Variants in PNO1 observed in about 807,000 individuals in gnomAD.
PNO1 encodes the protein RNA-binding protein PNO1.
In PNO1, 16 loss-of-function variants were observed where a neutral mutation model predicts 28.4. The observed-to-expected ratio is 0.56, with a 90% CI of 0.38 to 0.85. The LOEUF (loss-of-function observed/expected upper bound fraction) is 0.85, where lower values mean the gene tolerates loss of function less well. Ranked by LOEUF, PNO1 falls within the 40% of genes least tolerant of loss-of-function variation. The pLI is 0.00. For synonymous variants in PNO1, 115 were observed against 110.8 expected (o/e 1.04, Z -0.24); for missense variants, 304 against 312.2 (o/e 0.97, Z 0.20).
intron 5 of PNO1, chr2:68,173,083 CTTTTTTTTTTTTT>C (rs200879340): frequency 8.0e-5 from 9 of 111,952 alleles, no homozygotes; most frequent in Middle Eastern, 3.9e-3. Flanking sequence ...TCTACAATGT[CTTTTTTTTTTTTT>C]TTTTTTTTTT....
intron 5 of PNO1, among the ~76,000 whole-genome samples, chr2:68,165,224 C>T (rs954625104): frequency 1.3e-5 from 2 of 151,314 alleles, no homozygotes; most frequent in African/African-American, 4.9e-5. Context: ...ATTAGCCGGG[C>T]GTAGTGGCGG....
intron 4 of PNO1, 101 bp downstream of exon 4, chr2:68,162,426 T>TA (rs141022040): frequency 1.4e-5 from 8 of 575,644 alleles, no homozygotes; most frequent in Non-Finnish European, 2.2e-5. Flanking sequence ...TTTAGCAACT[T>TA]ATATATATAT....
At chr2:68,166,433 AT>A (rs1480058530) in intron 5 of PNO1, among the ~76,000 whole-genome samples, 3 of 152,174 alleles carry the variant, frequency 2.0e-5, no homozygotes, top group Non-Finnish European at 4.4e-5. Flanking sequence ...GAGAAAATCT[AT>A]CTACTCTTCA....
rs768082033 is a variant in PNO1 at position 68,173,347 on chromosome 2, G to A, written c.621G>A (p.Val207=). 6.3e-6 allele frequency: 10 copies of A among 1,589,706 alleles called. No individual in the cohort carries two copies. Among genetic ancestry groups the A allele is most frequent in the Non-Finnish European group, 7.8e-6 (9 of 1,158,508 alleles). The change falls in exon 6 of 7, where the codon GTG becomes GTA. Residue 207 remains valine, a splice_region_variant and synonymous_variant. Coordinates refer to ENST00000263657, the MANE Select transcript of PNO1 (RefSeq NM_020143.4). ...ATTTGTCTCATTTTATTTCTTTCAGGAAAGTTCACATCCTTGGCTCCTTCC... is the reference window on the plus strand; with the variant it reads ...ATTTGTCTCATTTTATTTCTTTCAGAAAAGTTCACATCCTTGGCTCCTTCC... ...VTRTRIVLAD[V]KVHILGSFQN...
At chr2:68,166,537 AGAG>A (rs754256861) in intron 5 of PNO1, among the ~76,000 whole-genome samples, 4 of 152,152 alleles carry the variant, frequency 2.6e-5, no homozygotes, top group Non-Finnish European at 4.4e-5. Context: ...CATGGGTGGC[AGAG>A]GAGGAAGATG....
At chr2:68,164,272 G>A (rs1039185391) in intron 5 of PNO1, among the ~76,000 whole-genome samples, 1 of 152,048 alleles carries the variant, frequency 6.6e-6, no homozygotes, top group African/African-American at 2.4e-5. Context: ...GGTGGATGGC[G>A]TGATCTCAGG....
At chr2:68,170,771 C>T (rs1457696830) in intron 5 of PNO1, among the ~76,000 whole-genome samples, 1 of 129,572 alleles carries the variant, frequency 7.7e-6, no homozygotes, top group East Asian at 2.4e-4. Flanking sequence ...AAAAAAAAAG[C>T]CAAAAATTTC....
intron 2 of PNO1, among the ~76,000 whole-genome samples, chr2:68,159,224 G>T (rs1558617383): frequency 6.6e-6 from 1 of 151,556 alleles, no homozygotes; most frequent in Non-Finnish European, 1.5e-5. Context: ...ATTAAAAAAT[G>T]TATTATTTTG....
Position 68,173,493 on chromosome 2 carries a change from G to A in PNO1, c.691+76G>A, listed in dbSNP as rs1674185889. ...AATTGAGGAAGTCAAAACCACATTT[G>A]CAAAGCAATTTAGGGTAATATTAAA... On this transcript the variant is annotated intron_variant, in intron 6 of 6. Coordinates refer to ENST00000263657, the MANE Select transcript of PNO1 (RefSeq NM_020143.4). 7.8e-6 allele frequency: 7 copies of A among 902,012 alleles called. No homozygotes were observed. In the Admixed American group the frequency reaches 9.2e-5, roughly 12 times the overall value. 55.9% of individuals were successfully genotyped at this position (902,012 alleles called of 1,614,324 possible). A position where few individuals can be genotyped will look rare whatever the true frequency, so the allele number is the denominator to read the frequency against.
In PNO1 at chr2:68,157,910, CGGCA is replaced by C; in HGVS notation, c.-23_-20del. ...GGTGCAGCTGCGCACGTGTTTCAGC[CGGCA>C]GCGCTTTAAGATTTCCGGGGATGGA... On this transcript the variant is annotated 5_prime_UTR_variant, in exon 1 of 7. Coordinates refer to ENST00000263657, the MANE Select transcript of PNO1 (RefSeq NM_020143.4). 1 of 1,605,534 alleles carries C rather than the reference CGGCA, an allele frequency of 6.2e-7. No individual in the cohort carries two copies.
At chr2:68,173,515 TA>T (rs1351901298) in intron 6 of PNO1, 98 bp downstream of exon 6, 10 of 722,102 alleles carry the variant, frequency 1.4e-5, no homozygotes, top group Non-Finnish European at 2.0e-5. Context: ...AGGGTAATAT[TA>T]AAGATCGCAA....
intron 5 of PNO1, among the ~76,000 whole-genome samples, chr2:68,170,431 T>C (rs1674096644): frequency 6.6e-6 from 1 of 152,092 alleles, no homozygotes; most frequent in Non-Finnish European, 1.5e-5. Flanking sequence ...TTAATCAAAG[T>C]TAAACATACA....
At chr2:68,174,058 T>C (rs1674204497) in intron 6 of PNO1, among the ~76,000 whole-genome samples, 2 of 152,204 alleles carry the variant, frequency 1.3e-5, no homozygotes, top group Admixed American at 1.3e-4. Flanking sequence ...CTGAACAGCT[T>C]CAGGCAATTT....
intron 5 of PNO1, among the ~76,000 whole-genome samples, chr2:68,165,689 A>C (rs1245251687): frequency 6.6e-6 from 1 of 152,196 alleles, no homozygotes; most frequent in African/African-American, 2.4e-5. Flanking sequence ...TCAAAAAAAA[A>C]AAGAATTTAG....
intron 2 of PNO1, chr2:68,161,250 A>T (rs989091744): frequency 8.5e-6 from 4 of 471,406 alleles, no homozygotes; most frequent in South Asian, 6.2e-5. Context: ...CTGTTGGTTT[A>T]AGAAACATCA....
At position 68,175,872 on chromosome 2, in the gene PNO1, C is replaced by T. The variant is rs1222157854; in HGVS notation, c.*1070C>T. 1 of 152,146 alleles carries T rather than the reference C, an allele frequency of 6.6e-6. No individual in the cohort carries two copies. Among genetic ancestry groups the T allele is most frequent in the Non-Finnish European group, 1.5e-5 (1 of 68,028 alleles). 9.4% of individuals were successfully genotyped at this position (152,146 alleles called of 1,614,324 possible). ...CATAGCTTAGCCTACCTTAAAAGGG[C>T]TCCGAACACTACATTAGCCTACAGT... is the stretch of plus-strand genomic sequence containing the variant. On this transcript the variant is annotated 3_prime_UTR_variant, in exon 7 of 7. Transcript: ENST00000263657.
chr2:68,159,400 G>C (rs1673772131), intron 2 of PNO1, among the ~76,000 whole-genome samples: 1 of 151,828 alleles, frequency 6.6e-6, no homozygotes, highest in South Asian at 2.1e-4. Flanking sequence ...GTAGAGACTG[G>C]GTTTTAGCAT....
rs1673835214 is a variant in PNO1 at position 68,161,684 on chromosome 2, C to T, written c.359C>T (p.Thr120Ile). Residue 120 changes from threonine to isoleucine, a missense_variant and splice_region_variant, in exon 3 of 7, where the codon ACT becomes ATT. Thr to Ile is a moderately conservative substitution (Grantham distance 89, BLOSUM62 -1). Transcript: ENST00000263657. Reference protein sequence around the residue: ...NLKSRNVEIRTCKETKDVSAL... With the variant: ...NLKSRNVEIRICKETKDVSAL... Reference sequence around the variant, plus strand: ...GTACCCTTTTTTGTTTTTTAACAGACTTGTAAAGAAACCAAGGATGTTAGT... The same window carrying T: ...GTACCCTTTTTTGTTTTTTAACAGATTTGTAAAGAAACCAAGGATGTTAGT... The T allele has an allele frequency of 1.9e-6, 3 of 1,601,194 alleles. No homozygotes were observed. Among genetic ancestry groups the T allele is most frequent in the East Asian group, 4.5e-5 (2 of 44,814 alleles).
intron 5 of PNO1, among the ~76,000 whole-genome samples, chr2:68,171,197 T>C (rs1359122440): frequency 1.3e-5 from 2 of 152,248 alleles, no homozygotes; most frequent in African/African-American, 4.8e-5. Flanking sequence ...CCTTTCTTCA[T>C]TTTCGTCGTA....
Sources: gnomAD v4.1 joint callset for allele counts (sites outside exome capture counted in the v4.1 genomes callset) on GRCh38, gnomAD v4.1.1 for gene constraint, MANE v1.5 for transcripts, NCBI Gene and HGNC (gene_info 2026-07-23, HGNC 2026-07-21) for gene names.